The following PCDH15 variants were observed in gnomAD, a reference collection of about 807,000 sequenced individuals.
PCDH15 encodes protocadherin related 15.
A neutral mutation model predicts 178.5 loss-of-function variants in PCDH15; 129 were observed. The ratio of observed to expected loss-of-function variants is 0.72; its 90% CI spans 0.63 to 0.84. The LOEUF is 0.84. PCDH15 is among the 40% of genes least tolerant of loss of function. The pLI is 0.00. For synonymous variants in PCDH15, 800 were observed against 732.0 expected (o/e 1.09, Z -1.50); for missense variants, 2,230 against 2,099.9 (o/e 1.06, Z -1.21).
chr10:54,224,581 C>T (rs2053225256), intron 9 of PCDH15, among the ~76,000 whole-genome samples: 1 of 151,932 alleles, frequency 6.6e-6, no homozygotes, highest in Admixed American at 6.6e-5. Flanking sequence ...ATATTCCATT[C>T]CTCTGACATT....
chr10:55,373,334 G>A (rs566939756), intron 2 of PCDH15, among the ~76,000 whole-genome samples: 65 of 152,214 alleles, frequency 4.3e-4, no homozygotes, highest in African/African-American at 1.6e-3. Context: ...CTACTTAGCT[G>A]GAACAAAGTC....
chr10:55,201,688 G>A (rs1840253485), intron 1 of PCDH15, among the ~76,000 whole-genome samples: 1 of 152,172 alleles, frequency 6.6e-6, no homozygotes, highest in Non-Finnish European at 1.5e-5. Flanking sequence ...ACTGATACGT[G>A]AAAACGTGGG....
intron 18 of PCDH15, among the ~76,000 whole-genome samples, chr10:54,045,816 A>C (rs1308689749): frequency 2.0e-5 from 3 of 152,160 alleles, no homozygotes; most frequent in Admixed American, 2.0e-4. Flanking sequence ...GAATAGTAAC[A>C]CTTACAAAAT....
At chr10:55,582,604 A>ATATATATATATATG (rs1433034350) in intron 2 of PCDH15, among the ~76,000 whole-genome samples, 2 of 84,996 alleles carry the variant, frequency 2.4e-5, no homozygotes, top group African/African-American at 1.0e-4. Context: ...GTGTATATAT[A>ATATATATATATATG]TATATATATA....
chr10:55,404,104 T>C (rs1046825747), intron 2 of PCDH15, among the ~76,000 whole-genome samples: 1 of 152,010 alleles, frequency 6.6e-6, no homozygotes, highest in Non-Finnish European at 1.5e-5. Flanking sequence ...TGTTTAAATG[T>C]ATAGTTAGAT....
In PCDH15 at chr10:54,274,820, T is replaced by C. The variant is rs141917069; in HGVS notation, c.877-37889A>G. ...CATAACATTTAAATTCCATTCATGG[T>C]AAAGATTCTTAGCAAATAAAGAATA... is the stretch of plus-strand genomic sequence containing the variant. On this transcript the variant is annotated intron_variant, in intron 8 of 37. Coordinates refer to ENST00000644397, the MANE Select transcript of PCDH15 (RefSeq NM_001384140.1). Among the ~76,000 whole-genome samples, 19 of 152,106 alleles carry C rather than the reference T, an allele frequency of 1.2e-4. No individual in the cohort carries two copies. In the East Asian group the frequency reaches 2.9e-3, roughly 23 times the overall value.
chr10:55,530,669 A>G (rs1299879358), intron 2 of PCDH15, among the ~76,000 whole-genome samples: 1 of 152,020 alleles, frequency 6.6e-6, no homozygotes, highest in Admixed American at 6.6e-5. Context: ...ATAAATATAA[A>G]CATCATTTAT....
chr10:54,564,309 T>C (rs1188719184), intron 2 of PCDH15, among the ~76,000 whole-genome samples: 1 of 151,978 alleles, frequency 6.6e-6, no homozygotes, highest in African/African-American at 2.4e-5. Context: ...AAAGGTGGAG[T>C]TTGCAATATT....
intron 29 of PCDH15, among the ~76,000 whole-genome samples, chr10:53,834,931 G>C (rs937015806): frequency 6.6e-6 from 1 of 152,160 alleles, no homozygotes; most frequent in Non-Finnish European, 1.5e-5. Flanking sequence ...AGGGACAACT[G>C]TCTATTTCCT....
At chr10:54,138,374 A>C (rs571664017) in intron 14 of PCDH15, among the ~76,000 whole-genome samples, 2 of 152,254 alleles carry the variant, frequency 1.3e-5, no homozygotes, top group East Asian at 3.9e-4. Flanking sequence ...AGTAGAAAGA[A>C]GAAGCACCCC....
At chr10:55,094,929 C>CTTTTTTTTTT (rs60073886) in intron 2 of PCDH15, among the ~76,000 whole-genome samples, 2 of 130,384 alleles carry the variant, frequency 1.5e-5, no homozygotes. Context: ...TATCCAAATT[C>CTTTTTTTTTT]TTTTTTTTTT....
intron 18 of PCDH15, among the ~76,000 whole-genome samples, chr10:54,034,255 G>A (rs190256272): frequency 9.4e-4 from 143 of 151,892 alleles, no homozygotes; most frequent in African/African-American, 3.1e-3. Context: ...ATAAGCTCAC[G>A]TTTTTCCCAA....
chr10:54,852,899 A>C (rs1017802900), intron 3 of PCDH15, among the ~76,000 whole-genome samples: 8 of 131,974 alleles, frequency 6.1e-5, no homozygotes, highest in Non-Finnish European at 9.7e-5. Context: ...TTAAAATAAA[A>C]GTTTATTTTA....
At chr10:55,097,032 T>C (rs1842464068) in intron 2 of PCDH15, among the ~76,000 whole-genome samples, 1 of 152,024 alleles carries the variant, frequency 6.6e-6, no homozygotes, top group South Asian at 2.1e-4. Context: ...ACCTAAGCTA[T>C]TGGGTGATCT....
At chr10:53,943,400 T>C (rs1347162632) in intron 23 of PCDH15, among the ~76,000 whole-genome samples, 5 of 151,788 alleles carry the variant, frequency 3.3e-5, no homozygotes, top group Non-Finnish European at 7.4e-5. Flanking sequence ...TGCTTGAACC[T>C]GGGAGGCGGA....
intron 14 of PCDH15, among the ~76,000 whole-genome samples, chr10:54,145,733 A>C (rs2133232464): frequency 6.6e-6 from 1 of 152,240 alleles, no homozygotes; most frequent in Middle Eastern, 3.4e-3. Context: ...GGGTGTAAGT[A>C]AAGCAGTAGT....
intron 14 of PCDH15, among the ~76,000 whole-genome samples, chr10:54,139,132 A>C (rs2133146836): frequency 6.6e-6 from 1 of 152,272 alleles, no homozygotes; most frequent in African/African-American, 2.4e-5. Flanking sequence ...TTGGCATAGA[A>C]GGTTATAGAA....
chr10:54,908,838 C>G (rs1165591300), intron 2 of PCDH15, among the ~76,000 whole-genome samples: 1 of 151,296 alleles, frequency 6.6e-6, no homozygotes. Context: ...CAGGTCATCC[C>G]AATATGTGTT....
chr10:55,399,439 T>C (rs919984761), intron 2 of PCDH15, among the ~76,000 whole-genome samples: 2 of 152,120 alleles, frequency 1.3e-5, no homozygotes, highest in African/African-American at 4.8e-5. Flanking sequence ...ATCCAGCAAA[T>C]TGAAACATTT....
Sources: allele counts gnomAD v4.1 joint callset (sites outside exome capture counted in the v4.1 genomes callset), GRCh38; gene constraint gnomAD v4.1.1; transcripts MANE v1.5; gene names NCBI Gene and HGNC (gene_info 2026-07-23, HGNC 2026-07-21).